Variants in CHCHD6 observed in about 807,000 individuals in gnomAD.
CHCHD6 encodes MICOS complex subunit MIC25.
A neutral mutation model predicts 32.3 loss-of-function variants in CHCHD6; 28 were observed. That is an observed-to-expected ratio of 0.87 (90% CI 0.64 to 1.19). The LOEUF is 1.19. Among genes scored for constraint, CHCHD6 ranks in the 50% most tolerant of loss-of-function variants. The pLI, the probability that CHCHD6 is intolerant of heterozygous loss-of-function variation, is 0.00. For missense variants in CHCHD6, 333 were observed against 307.0 expected, an observed-to-expected ratio of 1.08 and a Z score of -0.63; for synonymous variants, 122 against 117.5, an observed-to-expected ratio of 1.04 and a Z score of -0.25.
At chr3:126,904,200 C>T (rs566835996) in intron 5 of CHCHD6, among the ~76,000 whole-genome samples, 1 of 152,320 alleles carries the variant, frequency 6.6e-6, no homozygotes, top group East Asian at 1.9e-4. Context: ...CCTTTCACCC[C>T]TGGTTAGCCC....
chr3:126,879,125 C>G (rs182753693), intron 5 of CHCHD6, among the ~76,000 whole-genome samples: 197 of 152,296 alleles, frequency 1.3e-3, no homozygotes, highest in Non-Finnish European at 1.5e-3. Flanking sequence ...TGTAGGAGCA[C>G]AAGGTGTTTT....
At chr3:126,901,742 C>A (rs1559912239) in intron 5 of CHCHD6, among the ~76,000 whole-genome samples, 1 of 152,142 alleles carries the variant, frequency 6.6e-6, no homozygotes, top group East Asian at 1.9e-4. Context: ...GAAATTATGC[C>A]ATGTGAGGAA....
chr3:126,912,073 C>G (rs2078098684), intron 5 of CHCHD6, among the ~76,000 whole-genome samples: 1 of 151,868 alleles, frequency 6.6e-6, no homozygotes, highest in South Asian at 2.1e-4. Flanking sequence ...GTGCTGTGTG[C>G]CAAGATGTCT....
rs1450582447 is a variant in CHCHD6 at position 126,913,005 on chromosome 3, A to G, written c.496-1675A>G. Among the ~76,000 whole-genome samples the G allele has an allele frequency of 2.0e-5, 3 of 152,152 alleles. No homozygotes were observed. In the East Asian group the frequency reaches 5.8e-4, roughly 29 times the overall value. On this transcript the variant is annotated intron_variant, in intron 5 of 7. Transcript: ENST00000290913. The stretch of plus-strand genomic sequence containing the variant: ...ACTTCGTGTCTGCCCAGCTTCAGCC[A>G]GGCTAGCTGTGTGCCTGGTGGGCGG...
Position 126,766,786 on chromosome 3 carries a change from C to T in CHCHD6, c.411+33564C>T. ...GTTGGTGGCCCCCTGGAAAAACAGA[C>T]CACCCACTTCACTGATGGCAAAGGA... On this transcript the variant is annotated intron_variant, in intron 4 of 7. Transcript: ENST00000290913. 4 of 1,090,484 alleles carry T rather than the reference C, an allele frequency of 3.7e-6. No homozygotes were observed. The South Asian group carries it at 5.0e-5, about 14-fold the overall frequency. The allele number at this position is 1,090,484 out of a possible 1,614,324, so 67.6% of individuals were successfully genotyped here. A position where few individuals can be genotyped will look rare whatever the true frequency, so the allele number is the denominator to read the frequency against.
At chr3:126,814,785 C>G (rs1038127124) in intron 4 of CHCHD6, among the ~76,000 whole-genome samples, 1 of 152,126 alleles carries the variant, frequency 6.6e-6, no homozygotes, top group Admixed American at 6.5e-5. Context: ...TAATCAAACC[C>G]AAGAGAGGGT....
At chr3:126,742,233 T>G (rs1936317025) in intron 4 of CHCHD6, among the ~76,000 whole-genome samples, 1 of 152,210 alleles carries the variant, frequency 6.6e-6, no homozygotes, top group African/African-American at 2.4e-5. Context: ...CTCAATTCTT[T>G]GCAGCAGCGG....
intron 1 of CHCHD6, among the ~76,000 whole-genome samples, chr3:126,704,788 C>G (rs1437089386): frequency 6.6e-6 from 1 of 152,286 alleles, no homozygotes; most frequent in Non-Finnish European, 1.5e-5. Flanking sequence ...CTGGGCTTTG[C>G]CTGGGGACTC....
Position 126,723,872 on chromosome 3 carries a change from T to C in CHCHD6, c.88-3206T>C, listed in dbSNP as rs373177516. ...TACAGTAATTTTTAATGTCTTTCCC[T>C]CCGCTGTGTTTTATGATGCCTTGCA... On this transcript the variant is annotated intron_variant, in intron 1 of 7. Coordinates refer to ENST00000290913, the MANE Select transcript of CHCHD6 (RefSeq NM_032343.3). Among the ~76,000 whole-genome samples the C allele has an allele frequency of 6.9e-4, 105 of 152,324 alleles. No individual in the cohort carries two copies. In the South Asian group the frequency reaches 9.7e-3, roughly 14 times the overall value.
chr3:126,960,069 G>C (rs897198300), intron 7 of CHCHD6, 127 bp from the exon 8 acceptor site: 6 of 1,090,616 alleles, frequency 5.5e-6, no homozygotes, highest in Non-Finnish European at 4.1e-6. Context: ...TGGGTCTCCA[G>C]GTGAGGAGGG....
intron 4 of CHCHD6, among the ~76,000 whole-genome samples, chr3:126,807,562 A>C (rs985022406): frequency 2.0e-5 from 3 of 152,202 alleles, no homozygotes; most frequent in African/African-American, 4.8e-5. Context: ...TCCAAACAGT[A>C]GCAGTACCAG....
intron 4 of CHCHD6, among the ~76,000 whole-genome samples, chr3:126,823,123 C>T (rs2107537441): frequency 6.6e-6 from 1 of 150,904 alleles, no homozygotes; most frequent in Admixed American, 6.6e-5. Context: ...CCCTGTGTTG[C>T]CCAGGCTGGT....
At chr3:126,735,314 G>A (rs548481828) in intron 4 of CHCHD6, among the ~76,000 whole-genome samples, 1 of 152,298 alleles carries the variant, frequency 6.6e-6, no homozygotes, top group South Asian at 2.1e-4. Context: ...ACTATCCCTT[G>A]GGGAAGAACT....
At chr3:126,796,484 T>G (rs1393894153) in intron 4 of CHCHD6, among the ~76,000 whole-genome samples, 1 of 152,178 alleles carries the variant, frequency 6.6e-6, no homozygotes, top group Non-Finnish European at 1.5e-5. Flanking sequence ...TGTTTTGTCA[T>G]CTTCTTGGGG....
At chr3:126,805,002 C>G (rs530422965) in intron 4 of CHCHD6, among the ~76,000 whole-genome samples, 1,568 of 152,108 alleles carry the variant, frequency 0.01, 27 homozygotes, top group African/African-American at 0.035. Context: ...ATTCAACAAC[C>G]CTTCATGCTA....
intron 4 of CHCHD6, among the ~76,000 whole-genome samples, chr3:126,735,311 C>T (rs1159984378): frequency 6.6e-6 from 1 of 152,202 alleles, no homozygotes; most frequent in Non-Finnish European, 1.5e-5. Flanking sequence ...AGGACTATCC[C>T]TTGGGGAAGA....
chr3:126,857,777 G>A (rs1462093939), intron 5 of CHCHD6, among the ~76,000 whole-genome samples: 1 of 152,232 alleles, frequency 6.6e-6, no homozygotes, highest in Non-Finnish European at 1.5e-5. Flanking sequence ...CGGAAGAATG[G>A]CCAAAGTGGA....
In CHCHD6 at chr3:126,716,713, G is replaced by A. The variant is rs142882009; in HGVS notation, c.88-10365G>A. ...CCTGTGGAGCCACTGTGCTGTTGGA[G>A]TGAAGACAAAAAAGTGCTTGGGGTC... On this transcript the variant is annotated intron_variant, in intron 1 of 7. Transcript: ENST00000290913. Among the ~76,000 whole-genome samples the A allele has an allele frequency of 7.0e-4, 106 of 152,086 alleles. No individual in the cohort carries two copies. The East Asian group carries it at 0.012, about 18-fold the overall frequency.
rs900152160 is a variant in CHCHD6, at chr3:126,736,363, C to T, written c.411+3141C>T. Among the ~76,000 whole-genome samples the T allele has an allele frequency of 2.0e-5, 3 of 152,104 alleles. No individual in the cohort carries two copies. The East Asian group carries it at 5.8e-4, about 29-fold the overall frequency. ...GGTCCTGAGATGGAACTTGCATGGT[C>T]GCCAGCAGAATGAGTTGTCTGCCCA... On this transcript the variant is annotated intron_variant, in intron 4 of 7. Coordinates refer to ENST00000290913, the MANE Select transcript of CHCHD6 (RefSeq NM_032343.3).
Sources: gnomAD v4.1 joint callset for allele counts (sites outside exome capture counted in the v4.1 genomes callset) on GRCh38, gnomAD v4.1.1 for gene constraint, MANE v1.5 for transcripts, NCBI Gene and HGNC (gene_info 2026-07-23, HGNC 2026-07-21) for gene names.